The following RAB38 variants were observed in gnomAD, a reference collection of about 807,000 sequenced individuals.
The protein encoded by RAB38 is ras-related protein Rab-38.
Under a neutral mutation model 18.4 loss-of-function variants are expected in RAB38, and 15 were observed. That is an observed-to-expected ratio of 0.82 (90% CI 0.55 to 1.26). RAB38 has a LOEUF of 1.26. Ranked by LOEUF, RAB38 falls within the 50% of genes most tolerant of loss-of-function variation. The probability of loss-of-function intolerance (pLI) is 0.00; values close to 1 mark genes in which losing one functional copy is unlikely to be tolerated. For missense variants in RAB38, 294 were observed against 267.4 expected, an observed-to-expected ratio of 1.10 and a Z score of -0.69; for synonymous variants, 101 against 104.4, an observed-to-expected ratio of 0.97 and a Z score of 0.20.
chr11:88,025,429 T>C, the RAB38 span, among the ~76,000 whole-genome samples: 1 of 152,170 alleles, frequency 6.6e-6, no homozygotes, highest in Non-Finnish European at 1.5e-5. Context: ...ATGGTAGCTC[T>C]GCTTTACGCT....
the RAB38 span, among the ~76,000 whole-genome samples, chr11:88,063,620 A>T: frequency 2.6e-5 from 4 of 152,184 alleles, no homozygotes; most frequent in African/African-American, 9.7e-5. Context: ...GAACTGTAGT[A>T]ATCCCCAAGT....
the RAB38 span, among the ~76,000 whole-genome samples, chr11:87,823,760 A>G: frequency 7.9e-5 from 12 of 152,188 alleles, no homozygotes; most frequent in African/African-American, 2.4e-4. Context: ...TCATCAATAG[A>G]TGAACCGACA....
At position 88,143,548 on chromosome 11, in the gene RAB38, C is replaced by A. The variant is rs1015614987; in HGVS notation, c.483+6127G>T. On this transcript the variant is annotated intron_variant, in intron 2 of 2. Transcript: ENST00000243662. ...TTTGCTAATGCATGTTCTAAGGTGTCTAAATTTAAATCATTAAGAAGTAGA... is the reference window on the plus strand; with the variant it reads ...TTTGCTAATGCATGTTCTAAGGTGTATAAATTTAAATCATTAAGAAGTAGA... Among the ~76,000 whole-genome samples the A allele has an allele frequency of 2.2e-5, 3 of 135,282 alleles. No individual in the cohort carries two copies. In the Admixed American group the frequency reaches 2.3e-4, roughly 10 times the overall value. 88.8% of individuals were successfully genotyped at this position (135,282 alleles called of 152,430 possible).
At chr11:88,150,073 G>A (rs1943046288) in intron 1 of RAB38, 118 bp from the exon 2 acceptor site, 1 of 1,096,258 alleles carries the variant, frequency 9.1e-7, no homozygotes, top group African/African-American at 1.6e-5. Context: ...CGTCTTTACT[G>A]ATAATCTTTA....
chr11:87,972,632 C>A, the RAB38 span, among the ~76,000 whole-genome samples: 1 of 152,202 alleles, frequency 6.6e-6, no homozygotes, highest in East Asian at 1.9e-4. Flanking sequence ...CCTAGTCAAT[C>A]ACTTTATGGT....
chr11:87,840,460 G>C, the RAB38 span, among the ~76,000 whole-genome samples: 1 of 152,294 alleles, frequency 6.6e-6, no homozygotes. Flanking sequence ...TCTCTACAAA[G>C]TCCAGTGGAA....
the RAB38 span, among the ~76,000 whole-genome samples, chr11:87,938,619 G>GTTTTTTTTTTTTTTT: frequency 1.0e-5 from 1 of 99,856 alleles, no homozygotes; most frequent in African/African-American, 4.3e-5. Context: ...GCTCTTTTCC[G>GTTTTTTTTTTTTTTT]TTTTTTTTTT....
the RAB38 span, among the ~76,000 whole-genome samples, chr11:87,885,564 T>A: frequency 6.6e-6 from 1 of 151,994 alleles, no homozygotes; most frequent in African/African-American, 2.4e-5. Flanking sequence ...ACCCTGCCCA[T>A]TCCTGTGTAA....
the RAB38 span, among the ~76,000 whole-genome samples, chr11:87,872,359 C>T: frequency 6.6e-6 from 1 of 151,546 alleles, no homozygotes; most frequent in Non-Finnish European, 1.5e-5. Context: ...TTCCCATATG[C>T]TTTCTCGTCT....
the RAB38 span, among the ~76,000 whole-genome samples, chr11:88,017,280 C>A: frequency 6.6e-6 from 1 of 151,866 alleles, no homozygotes; most frequent in Non-Finnish European, 1.5e-5. Context: ...CATAAATGTA[C>A]TTTTCAGTGG....
At chr11:87,928,173 A>C in the RAB38 span, among the ~76,000 whole-genome samples, 2 of 152,082 alleles carry the variant, frequency 1.3e-5, no homozygotes, top group African/African-American at 4.8e-5. Context: ...GAGTCAGTAC[A>C]TGTACTTATC....
At chr11:87,878,694 C>A in the RAB38 span, among the ~76,000 whole-genome samples, 1 of 151,636 alleles carries the variant, frequency 6.6e-6, no homozygotes, top group African/African-American at 2.4e-5. Context: ...TCATGTAATA[C>A]CACATATGGG....
the RAB38 span, among the ~76,000 whole-genome samples, chr11:87,860,813 G>T: frequency 3.0e-4 from 45 of 151,944 alleles, no homozygotes; most frequent in Middle Eastern, 3.4e-3. Flanking sequence ...TTACAAGTCA[G>T]AGCTGTTTCC....
chr11:87,825,970 G>C, the RAB38 span, among the ~76,000 whole-genome samples: 1 of 151,964 alleles, frequency 6.6e-6, no homozygotes, highest in Non-Finnish European at 1.5e-5. Flanking sequence ...ATAAATGGTG[G>C]TTTAATTAAA....
chr11:88,119,860 T>TGGATAATA (rs1307095160), intron 2 of RAB38, among the ~76,000 whole-genome samples: 2 of 152,146 alleles, frequency 1.3e-5, no homozygotes, highest in African/African-American at 4.8e-5. Context: ...GATGGCCTAC[T>TGGATAATA]GGATAATAAC....
the RAB38 span, among the ~76,000 whole-genome samples, chr11:88,078,299 C>T: frequency 1.1e-4 from 16 of 151,976 alleles, no homozygotes; most frequent in Admixed American, 6.6e-4. Flanking sequence ...TATGATCCAT[C>T]AGTTCCACTA....
At position 88,149,665 on chromosome 11, in the gene RAB38, G is replaced by A. The variant is rs749806044; in HGVS notation, c.483+10C>T. 7.5e-6 allele frequency: 12 copies of A among 1,596,358 alleles called. 1 individual carries two copies. In the South Asian group the frequency reaches 1.3e-4, roughly 18 times the overall value. On this transcript the variant is annotated intron_variant, in intron 2 of 2. Transcript: ENST00000243662. ...GCTTATATTAAGCTTATTATTTAAA[G>A]TCACATTACCTTTGCTGATGTTTCA...
the RAB38 span, among the ~76,000 whole-genome samples, chr11:87,850,925 T>C: frequency 4.6e-5 from 7 of 152,188 alleles, no homozygotes; most frequent in Non-Finnish European, 1.5e-5. Context: ...CATTGACCAG[T>C]GTGGCAATTT....
chr11:88,020,999 G>A, the RAB38 span, among the ~76,000 whole-genome samples: 1 of 151,908 alleles, frequency 6.6e-6, no homozygotes, highest in Non-Finnish European at 1.5e-5. Context: ...CAAAAAAGAG[G>A]AAAAATTTCA....
Sources: gnomAD v4.1 joint callset for allele counts (sites outside exome capture counted in the v4.1 genomes callset) on GRCh38, gnomAD v4.1.1 for gene constraint, MANE v1.5 for transcripts, NCBI Gene and HGNC (gene_info 2026-07-23, HGNC 2026-07-21) for gene names.